The following EDEM3 variants were observed in gnomAD, a reference collection of about 807,000 sequenced individuals.
The protein encoded by EDEM3 is ER degradation-enhancing alpha-mannosidase-like protein 3.
EDEM3 carries 60 observed loss-of-function variants against 110.2 expected under a neutral mutation model. That is an observed-to-expected ratio of 0.54 (90% CI 0.44 to 0.67). The LOEUF (loss-of-function observed/expected upper bound fraction) is 0.67, where lower values mean the gene tolerates loss of function less well. EDEM3 is among the 30% of genes least tolerant of loss of function. The pLI is 0.00. For missense variants in EDEM3, 996 were observed against 1,121.0 expected (o/e 0.89, Z 1.59); for synonymous variants, 352 against 382.9 (o/e 0.92, Z 0.94).
chr1:184,711,716 A>C lies in EDEM3; in HGVS notation c.1691+7T>G. 1 of 1,586,302 alleles carries C rather than the reference A, an allele frequency of 6.3e-7. No individual in the cohort carries two copies. The highest frequency in any genetic ancestry group is 1.2e-5 in the South Asian group (1 of 85,468). On this transcript the variant is annotated splice_region_variant and intron_variant, in intron 15 of 19. Coordinates refer to ENST00000318130, the MANE Select transcript of EDEM3 (RefSeq NM_025191.4). The stretch of plus-strand genomic sequence containing the variant: ...GATATTAGAAAATATAAAATAATAC[A>C]TCTTACACTCTGATGATGCCTCTAG...
At chr1:184,719,351 C>A in intron 10 of EDEM3, 92 bp downstream of exon 10, 1 of 1,532,298 alleles carries the variant, frequency 6.5e-7, no homozygotes, top group Non-Finnish European at 8.8e-7. Flanking sequence ...TGAACTGCAA[C>A]TATGTTTTGT....
At chr1:184,747,812 T>C (rs1032903172) in intron 2 of EDEM3, among the ~76,000 whole-genome samples, 3 of 152,196 alleles carry the variant, frequency 2.0e-5, no homozygotes, top group African/African-American at 4.8e-5. Flanking sequence ...TATTCTATAG[T>C]TAGAAAAAAT....
intron 18 of EDEM3, 61 bp downstream of exon 18, chr1:184,706,582 G>A: frequency 7.1e-7 from 1 of 1,414,836 alleles, no homozygotes; most frequent in South Asian, 1.8e-5. Context: ...AAAATAAAAG[G>A]GAAAAAATCC....
chr1:184,719,938 T>C (rs1650790232), intron 9 of EDEM3, among the ~76,000 whole-genome samples: 1 of 152,226 alleles, frequency 6.6e-6, no homozygotes, highest in African/African-American at 2.4e-5. Context: ...TTACAGAATT[T>C]GCTTTTTCCT....
intron 18 of EDEM3, among the ~76,000 whole-genome samples, chr1:184,705,577 C>A (rs962277571): frequency 6.6e-6 from 1 of 152,172 alleles, no homozygotes; most frequent in African/African-American, 2.4e-5. Context: ...AGTCATTAAA[C>A]AGGACTTCTC....
Position 184,712,487 on chromosome 1 carries a change from A to T in EDEM3, c.1482T>A (p.His494Gln). 6.2e-7 allele frequency: 1 copy of T among 1,606,722 alleles called. No homozygotes were observed. Among genetic ancestry groups the T allele is most frequent in the Non-Finnish European group, 8.5e-7 (1 of 1,177,702 alleles). The part of the protein sequence containing the change: ...IEDYIFTTEA[H>Q]LLPLWLSTTN... The stretch of plus-strand genomic sequence containing the variant: ...TAGTAGAGAGCCAAAGAGGTAACAG[A>T]TGAGCTTCTGTTGTAAAGATGTAAT... Residue 494 changes from histidine to glutamine, a missense_variant, in exon 14 of 20, where the codon CAT (histidine) becomes CAA (glutamine). Around this residue, in one of 5 missense-constraint regions of EDEM3, gnomAD observed 138 missense variants for 124.3 expected, o/e 1.11. Coordinates refer to ENST00000318130, the MANE Select transcript of EDEM3 (RefSeq NM_025191.4).
intron 2 of EDEM3, among the ~76,000 whole-genome samples, chr1:184,748,700 AATG>A (rs1436971998): frequency 1.2e-4 from 19 of 152,318 alleles, no homozygotes; most frequent in Admixed American, 2.6e-4. Context: ...CATAGATAAC[AATG>A]ATGTTAGTGT....
Position 184,754,818 on chromosome 1 carries a change from G to A in EDEM3, c.-172C>T. ...CGAAGCCACCAAGCCGGTCCCCAGCGCCAGCGCTGCCACCGCCCTCCGCCC... is the reference window on the plus strand; with the variant it reads ...CGAAGCCACCAAGCCGGTCCCCAGCACCAGCGCTGCCACCGCCCTCCGCCC... On this transcript the variant is annotated 5_prime_UTR_variant, in exon 1 of 20. Coordinates refer to ENST00000318130, the MANE Select transcript of EDEM3 (RefSeq NM_025191.4). The A allele has an allele frequency of 1.9e-6, 2 of 1,077,820 alleles. No individual in the cohort carries two copies. Among genetic ancestry groups the A allele is most frequent in the South Asian group, 3.6e-5 (2 of 55,286 alleles). The allele number at this position is 1,077,820 out of a possible 1,614,324, so 66.8% of individuals were successfully genotyped here.
rs550134944 is a variant in EDEM3, at chr1:184,715,803, G to A, written c.1370+1085C>T. ...AGGCAAATAAATACACAAGGTATCTGCTTTTATTTCTTGCTATTACTTGTA... is the reference window on the plus strand; with the variant it reads ...AGGCAAATAAATACACAAGGTATCTACTTTTATTTCTTGCTATTACTTGTA... On this transcript the variant is annotated intron_variant, in intron 13 of 19. Coordinates refer to ENST00000318130, the MANE Select transcript of EDEM3 (RefSeq NM_025191.4). Among the ~76,000 whole-genome samples, 78 of 152,304 alleles carry A rather than the reference G, an allele frequency of 5.1e-4. 1 individual carries two copies. Among genetic ancestry groups the A allele is most frequent in the South Asian group, 3.1e-3 (15 of 4,828 alleles).
rs1649132529 is a variant in EDEM3, at chr1:184,693,020, A to G, written c.*1043T>C. The stretch of plus-strand genomic sequence containing the variant: ...AAAGGAGAAAAACAGTAGTTACTCC[A>G]GGAATTTTAACTCACTAACCACAGT... On this transcript the variant is annotated 3_prime_UTR_variant, in exon 20 of 20. Coordinates refer to ENST00000318130, the MANE Select transcript of EDEM3 (RefSeq NM_025191.4). 1 of 154,816 alleles carries G rather than the reference A, an allele frequency of 6.5e-6. No individual in the cohort carries two copies. The highest frequency in any genetic ancestry group is 2.4e-5 in the African/African-American group (1 of 41,544). The allele number at this position is 154,816 out of a possible 1,614,324, so 9.6% of individuals were successfully genotyped here. A position where few individuals can be genotyped will look rare whatever the true frequency, so the allele number is the denominator to read the frequency against.
At chr1:184,738,210 T>C (rs920614483) in intron 2 of EDEM3, among the ~76,000 whole-genome samples, 8 of 152,236 alleles carry the variant, frequency 5.3e-5, no homozygotes, top group East Asian at 1.9e-4. Context: ...TGAGTACTTA[T>C]ATTCTAAGTG....
At chr1:184,696,119 A>C (rs890428111) in intron 19 of EDEM3, among the ~76,000 whole-genome samples, 6 of 151,962 alleles carry the variant, frequency 3.9e-5, no homozygotes, top group African/African-American at 1.4e-4. Flanking sequence ...GACTCTCATC[A>C]AATAACGAGA....
At position 184,732,921 on chromosome 1, in the gene EDEM3, A is replaced by G; in HGVS notation, c.528T>C (p.Asn176=). 1 of 1,614,144 alleles carries G rather than the reference A, an allele frequency of 6.2e-7. No individual in the cohort carries two copies. Among genetic ancestry groups the G allele is most frequent in the Non-Finnish European group, 8.5e-7 (1 of 1,179,994 alleles). ...GCTTTGCCATTTGGAGAAGTTCATCATTGTACCACTGCATATATTCACCTT... is the reference window on the plus strand; with the variant it reads ...GCTTTGCCATTTGGAGAAGTTCATCGTTGTACCACTGCATATATTCACCTT... ...KEKGEYMQWY[N]DELLQMAKQL... The change falls in exon 6 of 20, where the codon AAT becomes AAC. Residue 176 remains asparagine, a synonymous_variant. Coordinates refer to ENST00000318130, the MANE Select transcript of EDEM3 (RefSeq NM_025191.4).
chr1:184,719,534 G>C lies in EDEM3; in HGVS notation c.986C>G (p.Pro329Arg). The change falls in exon 10 of 20, where the codon CCA (proline) becomes CGA (arginine). Residue 329 changes from proline to arginine, a missense_variant. Pro to Arg is a moderately radical substitution (Grantham distance 103, BLOSUM62 -2). This residue lies in a region of EDEM3 where 310 missense variants were observed against 394.6 expected (regional missense o/e 0.79). Transcript: ENST00000318130. ...YDAIMRYISQPPLLLDVHIHK... is the reference protein window; with the variant it reads ...YDAIMRYISQRPLLLDVHIHK... ...GATATGCACATCAAGTAGAAGAGGT[G>C]GCTGGCTAATATACCTCATTATGGC... is the stretch of plus-strand genomic sequence containing the variant. 1.2e-6 allele frequency: 2 copies of C among 1,613,930 alleles called. No individual in the cohort carries two copies. The highest frequency in any genetic ancestry group is 1.7e-6 in the Non-Finnish European group (2 of 1,179,968).
intron 1 of EDEM3, among the ~76,000 whole-genome samples, chr1:184,752,558 A>C (rs998511725): frequency 2.6e-5 from 4 of 152,256 alleles, no homozygotes; most frequent in Non-Finnish European, 5.9e-5. Context: ...TCAAAATTTG[A>C]GCTGAAATTT....
chr1:184,701,863 G>A (rs890375156), intron 19 of EDEM3, among the ~76,000 whole-genome samples: 2 of 151,778 alleles, frequency 1.3e-5, no homozygotes, highest in African/African-American at 4.8e-5. Flanking sequence ...GACAAAATTA[G>A]GCTAGCATGA....
At chr1:184,754,446 C>T (rs1474699930) in intron 1 of EDEM3, 43 bp downstream of exon 1, 1 of 1,611,056 alleles carries the variant, frequency 6.2e-7, no homozygotes, top group African/African-American at 1.3e-5. Context: ...CTCCTGTTGT[C>T]AGCCTCACCG....
rs748403054 is a variant in EDEM3, at chr1:184,710,558, T to C, written c.1692-11A>G. On this transcript the variant is annotated splice_polypyrimidine_tract_variant and intron_variant, in intron 15 of 19. Coordinates refer to ENST00000318130, the MANE Select transcript of EDEM3 (RefSeq NM_025191.4). ...CTGAAACTCTCCTCTCTGCTAAAAG[T>C]AATTACAGGCAAGGCTTAAAAAACT... 5 of 1,592,480 alleles carry C rather than the reference T, an allele frequency of 3.1e-6. No homozygotes were observed. In the Admixed American group the frequency reaches 7.0e-5, roughly 22 times the overall value.
chr1:184,719,758 T>C (rs61823884), intron 9 of EDEM3, among the ~76,000 whole-genome samples, 190 bp from the exon 10 acceptor site: 3 of 152,232 alleles, frequency 2.0e-5, no homozygotes, highest in Non-Finnish European at 2.9e-5. Context: ...TACTCCTTTA[T>C]GTCCTCTAAC....
Sources: allele counts gnomAD v4.1 joint callset (sites outside exome capture counted in the v4.1 genomes callset), GRCh38; gene constraint gnomAD v4.1.1; regional missense constraint gnomAD v4.1.1; transcripts MANE v1.5; gene names NCBI Gene and HGNC (gene_info 2026-07-23, HGNC 2026-07-21).